The following CDH23 variants were observed in gnomAD, a reference collection of about 807,000 sequenced individuals.
The protein encoded by CDH23 is cadherin-23.
In CDH23, 189 loss-of-function variants were observed where a neutral mutation model predicts 317.1. The observed-to-expected ratio is 0.60, with a 90% CI of 0.53 to 0.67. The LOEUF (loss-of-function observed/expected upper bound fraction) is 0.67. CDH23 is among the 30% of genes least tolerant of loss of function. The pLI is 0.00. For missense variants in CDH23, 4,401 were observed against 4,592.4 expected (o/e 0.96, Z 1.20); for synonymous variants, 1,839 against 1,876.8 (o/e 0.98, Z 0.52).
At chr10:71,514,765 A>G (rs992634121) in intron 6 of CDH23, among the ~76,000 whole-genome samples, 10 of 151,596 alleles carry the variant, frequency 6.6e-5, no homozygotes, top group Non-Finnish European at 1.3e-4. Context: ...CCATAAAGAA[A>G]AGGGAAATCC....
chr10:71,814,287 C>T (rs1401178746), intron 69 of CDH23, among the ~76,000 whole-genome samples: 2 of 152,246 alleles, frequency 1.3e-5, no homozygotes, highest in African/African-American at 2.4e-5. Context: ...TGGTGGCACA[C>T]GCCCATAGTC....
At chr10:71,502,826 C>A (rs2132173330) in intron 3 of CDH23, among the ~76,000 whole-genome samples, 2 of 152,308 alleles carry the variant, frequency 1.3e-5, no homozygotes, top group African/African-American at 4.8e-5. Flanking sequence ...TCTCACACCG[C>A]TTATTCACCC....
chr10:71,640,111 C>A (rs1242541834), intron 11 of CDH23, among the ~76,000 whole-genome samples: 1 of 152,222 alleles, frequency 6.6e-6, no homozygotes, highest in African/African-American at 2.4e-5. Flanking sequence ...GGTCAGGAAG[C>A]TGTCCCGAAG....
At chr10:71,656,689 T>C (rs1180596711) in intron 14 of CDH23, among the ~76,000 whole-genome samples, 1 of 151,998 alleles carries the variant, frequency 6.6e-6, no homozygotes, top group African/African-American at 2.4e-5. Flanking sequence ...TGAAACAACC[T>C]GGAAGGAAGC....
At chr10:71,573,082 G>A (rs1277156543) in intron 8 of CDH23, among the ~76,000 whole-genome samples, 2 of 152,242 alleles carry the variant, frequency 1.3e-5, no homozygotes, top group Non-Finnish European at 2.9e-5. Context: ...CTGCAGTGGT[G>A]CCTCCCTCTC....
In CDH23 at chr10:71,751,911, C is replaced by T. The variant is rs140530381; in HGVS notation, c.4845+9990C>T. 6.4e-5 allele frequency: 98 copies of T among 1,520,208 alleles called. No individual in the cohort carries two copies. In the East Asian group the frequency reaches 2.2e-3, roughly 34 times the overall value. The allele number at this position is 1,520,208 out of a possible 1,614,324, so 94.2% of individuals were successfully genotyped here. On this transcript the variant is annotated intron_variant, in intron 38 of 69. Transcript: ENST00000224721. The surrounding 1 kb of genome is among the most constrained non-coding windows in gnomAD (Gnocchi z 4.9). ...TCATCTGTGCTGTCCGGAGCGTGAA[C>T]TCTGCCCTCCCTGCCCCCAGTTTTT...
chr10:71,572,714 T>C (rs1381974906), intron 8 of CDH23, among the ~76,000 whole-genome samples: 1 of 152,210 alleles, frequency 6.6e-6, no homozygotes, highest in Non-Finnish European at 1.5e-5. Flanking sequence ...GTCCCAGAGA[T>C]AGCAACTCCT....
chr10:71,609,076 T>C (rs1860700786), intron 9 of CDH23, among the ~76,000 whole-genome samples: 1 of 151,918 alleles, frequency 6.6e-6, no homozygotes, highest in Non-Finnish European at 1.5e-5. Context: ...GGGGACAAGA[T>C]GTGGGAATGA....
intron 1 of CDH23, among the ~76,000 whole-genome samples, chr10:71,403,462 C>CTTCCTTCCTTCCTTCCTTCCTTCCTTCCT (rs1564558638): frequency 2.7e-5 from 1 of 37,676 alleles, no homozygotes; most frequent in Non-Finnish European, 4.5e-5. Flanking sequence ...CCTTTCCTTC[C>CTTCCTTCCTTCCTTCCTTCCTTCCTTCCT]TTCCTTCCTT....
At chr10:71,686,809 A>G (rs1447965892) in intron 18 of CDH23, among the ~76,000 whole-genome samples, 5 of 152,176 alleles carry the variant, frequency 3.3e-5, no homozygotes, top group Admixed American at 1.3e-4. Flanking sequence ...AGAGGGAAGC[A>G]GGGAGGAATT....
At chr10:71,812,140 C>T (rs916954289) in intron 66 of CDH23, 125 bp downstream of exon 66, 91 of 1,596,478 alleles carry the variant, frequency 5.7e-5, no homozygotes, top group South Asian at 5.6e-5. Flanking sequence ...CCCTGGTGGG[C>T]GGGCCACCCT....
chr10:71,746,649 T>C (rs1275478014), intron 38 of CDH23, among the ~76,000 whole-genome samples: 3 of 152,124 alleles, frequency 2.0e-5, no homozygotes, highest in Non-Finnish European at 4.4e-5. Flanking sequence ...GGAAGGTAAC[T>C]GGGAGGTCAG....
chr10:71,683,349 C>T (rs1298616638), intron 18 of CDH23, among the ~76,000 whole-genome samples: 3 of 152,204 alleles, frequency 2.0e-5, no homozygotes, highest in East Asian at 1.9e-4. Context: ...TTCAGAGATG[C>T]GCTGTGATTT....
chr10:71,802,874 T>C, intron 53 of CDH23, 24 bp from the exon 54 acceptor site: 2 of 1,613,700 alleles, frequency 1.2e-6, no homozygotes, highest in Non-Finnish European at 1.7e-6. Context: ...TCCTTACCTT[T>C]GGCCTTGACC....
rs759472033 is a variant in CDH23, at chr10:71,677,652, C to T, written c.1711C>T (p.Arg571Trp). ...FQKDAYVGAL[R>W]ENEPSVTQLV... Reference sequence around the variant, plus strand: ...GAAGGATGCCTACGTGGGTGCTCTGCGGGAGAACGAGCCTTCTGTCACACA... The same window carrying T: ...GAAGGATGCCTACGTGGGTGCTCTGTGGGAGAACGAGCCTTCTGTCACACA... Residue 571 changes from arginine to tryptophan, a missense_variant, in exon 16 of 70, where the codon CGG becomes TGG. Around this residue, in one of 3 missense-constraint regions of CDH23, gnomAD observed 3,068 missense variants for 3,203.3 expected, o/e 0.96. Transcript: ENST00000224721. The T allele has an allele frequency of 5.7e-6, 9 of 1,579,866 alleles. No individual in the cohort carries two copies. The highest frequency in any genetic ancestry group is 2.7e-5 in the African/African-American group (2 of 74,178).
chr10:71,651,027 T>G (rs965655874), intron 14 of CDH23, among the ~76,000 whole-genome samples: 1 of 152,256 alleles, frequency 6.6e-6, no homozygotes, highest in African/African-American at 2.4e-5. Context: ...GATGTGAGTC[T>G]TGTACTTATA....
At chr10:71,449,100 A>G (rs562053184) in intron 3 of CDH23, among the ~76,000 whole-genome samples, 12 of 152,280 alleles carry the variant, frequency 7.9e-5, no homozygotes, top group African/African-American at 2.4e-4. Context: ...AAAGCTTCCA[A>G]CCCAGGAATG....
Position 71,702,682 on chromosome 10 carries a change from C to T in CDH23, c.2721C>T (p.Val907=). The part of the protein sequence containing the change: ...AEVLEGIPAG[V]SIYQVVAIDL... ...TGCTTGAAGGCATCCCGGCGGGGGT[C>T]TCCATCTACCAAGTGAGTCTCTATC... Residue 907 remains valine, a synonymous_variant, in exon 24 of 70, where the codon GTC becomes GTT. Transcript: ENST00000224721. The T allele has an allele frequency of 1.2e-6, 2 of 1,613,756 alleles. No individual in the cohort carries two copies. The highest frequency in any genetic ancestry group is 1.7e-6 in the Non-Finnish European group (2 of 1,179,884).
At chr10:71,519,529 G>A (rs1854538749) in intron 6 of CDH23, among the ~76,000 whole-genome samples, 1 of 152,342 alleles carries the variant, frequency 6.6e-6, no homozygotes, top group South Asian at 2.1e-4. Context: ...TTTGTATCGT[G>A]AGAACCTGTG....
Sources: gnomAD v4.1 joint callset for allele counts (sites outside exome capture counted in the v4.1 genomes callset) on GRCh38, gnomAD v4.1.1 for gene constraint, gnomAD v4.1.1 regional missense constraint, Gnocchi (gnomAD v3.1) non-coding constraint, MANE v1.5 for transcripts, NCBI Gene and HGNC (gene_info 2026-07-23, HGNC 2026-07-21) for gene names.